C12orf54: variants seen among roughly 807,000 people sequenced by gnomAD.
The protein encoded by C12orf54 is chromosome 12 open reading frame 54.
Under a neutral mutation model 26.4 loss-of-function variants are expected in C12orf54, and 24 were observed. The ratio of observed to expected loss-of-function variants is 0.91; its 90% CI spans 0.66 to 1.28. The LOEUF (loss-of-function observed/expected upper bound fraction) is 1.28. Among genes scored for constraint, C12orf54 ranks in the 50% most tolerant of loss-of-function variants. The pLI is 0.00. For missense variants in C12orf54, 154 were observed against 150.9 expected, an observed-to-expected ratio of 1.02 and a Z score of -0.11; for synonymous variants, 54 against 47.0, an observed-to-expected ratio of 1.15 and a Z score of -0.61.
chr12:48,459,367 A>T, the C12orf54 span, among the ~76,000 whole-genome samples: 1 of 151,696 alleles, frequency 6.6e-6, no homozygotes, highest in African/African-American at 2.4e-5. Context: ...ACGGAAAGTG[A>T]GTGGCGGTGA....
the C12orf54 span, among the ~76,000 whole-genome samples, chr12:48,436,692 G>A: frequency 2.6e-5 from 4 of 152,170 alleles, no homozygotes; most frequent in Admixed American, 6.5e-5. Flanking sequence ...AAATAAAGAT[G>A]TTCTTTGAAA....
intron 4 of C12orf54, 86 bp from the exon 5 acceptor site, chr12:48,488,838 G>A (rs1937718795): frequency 8.5e-7 from 1 of 1,179,374 alleles, no homozygotes; most frequent in Non-Finnish European, 1.3e-6. Context: ...TAGGAGACTA[G>A]GTAACTTAAT....
the C12orf54 span, among the ~76,000 whole-genome samples, chr12:48,415,701 T>G: frequency 6.6e-6 from 1 of 152,210 alleles, no homozygotes; most frequent in Non-Finnish European, 1.5e-5. Context: ...AACGTTTTCC[T>G]TAGATGTTCT....
chr12:48,434,873 C>T, the C12orf54 span, among the ~76,000 whole-genome samples: 11 of 152,152 alleles, frequency 7.2e-5, no homozygotes, highest in South Asian at 4.1e-4. Flanking sequence ...TCCAAAGGAA[C>T]GCAGCTCCTC....
At chr12:48,468,052 T>C in the C12orf54 span, among the ~76,000 whole-genome samples, 174 of 152,290 alleles carry the variant, frequency 1.1e-3, 2 homozygotes, top group Admixed American at 0.011. Context: ...TTTTCAAATA[T>C]AGTTCTTGGT....
At chr12:48,463,864 T>C in the C12orf54 span, among the ~76,000 whole-genome samples, 1 of 152,068 alleles carries the variant, frequency 6.6e-6, no homozygotes, top group East Asian at 1.9e-4. Flanking sequence ...GAAAAGGCTT[T>C]CTTTATAAAA....
At chr12:48,417,167 A>T in the C12orf54 span, 3 of 152,236 alleles carry the variant, frequency 2.0e-5, no homozygotes, top group Admixed American at 6.5e-5. Flanking sequence ...AAAGAAGTGC[A>T]TGGGTATGCA....
At chr12:48,415,227 C>T in the C12orf54 span, among the ~76,000 whole-genome samples, 6 of 149,986 alleles carry the variant, frequency 4.0e-5, no homozygotes, top group Middle Eastern at 7.0e-3. Flanking sequence ...AAACAAAACC[C>T]AAAACAAAAC....
chr12:48,461,186 C>A, the C12orf54 span, among the ~76,000 whole-genome samples: 2 of 151,850 alleles, frequency 1.3e-5, no homozygotes, highest in African/African-American at 4.8e-5. Flanking sequence ...AAGGTCATCT[C>A]ATAATGATAA....
At position 48,486,387 on chromosome 12, in the gene C12orf54, C is replaced by T. The variant is rs12579547; in HGVS notation, c.96+179C>T. 1.2e-3 allele frequency: 776 copies of T among 646,880 alleles called. 6 individuals are homozygous for T. The East Asian group carries it at 0.019, about 16-fold the overall frequency. 40.1% of individuals were successfully genotyped at this position (646,880 alleles called of 1,614,324 possible). ...ACCAAACCAGGTAACGTCTCCAATG[C>T]CACCACTTCACCAGATGACTAAAGG... On this transcript the variant is annotated intron_variant, in intron 3 of 8. Coordinates refer to ENST00000548364, the MANE Select transcript of C12orf54 (RefSeq NM_152319.4).
chr12:48,457,087 A>G, the C12orf54 span, among the ~76,000 whole-genome samples: 20 of 152,018 alleles, frequency 1.3e-4, no homozygotes, highest in African/African-American at 4.6e-4. Flanking sequence ...TGTCTCCCCT[A>G]TTAATATGTG....
chr12:48,479,459 A>G (rs936377652), upstream of C12orf54, among the ~76,000 whole-genome samples: 4 of 152,100 alleles, frequency 2.6e-5, no homozygotes, highest in Non-Finnish European at 5.9e-5. Context: ...ACATGTATAC[A>G]TATGTAACAA....
chr12:48,427,481 G>A, the C12orf54 span, among the ~76,000 whole-genome samples: 2 of 152,078 alleles, frequency 1.3e-5, no homozygotes, highest in Non-Finnish European at 2.9e-5. Context: ...CAGTTTGCTA[G>A]TATTTTGTCA....
the C12orf54 span, among the ~76,000 whole-genome samples, chr12:48,421,638 T>C: frequency 6.8e-6 from 1 of 146,318 alleles, no homozygotes; most frequent in South Asian, 2.3e-4. Flanking sequence ...CAAGCGATTA[T>C]CCTGCCTCAG....
the C12orf54 span, chr12:48,472,814 C>T: frequency 1.2e-6 from 2 of 1,614,056 alleles, no homozygotes; most frequent in Admixed American, 3.3e-5. Context: ...TAAATACAAT[C>T]AACATAGGCC....
upstream of C12orf54, among the ~76,000 whole-genome samples, chr12:48,480,774 C>T (rs187854555): frequency 2.0e-4 from 30 of 152,248 alleles, no homozygotes; most frequent in Admixed American, 1.0e-3. Context: ...TATCGCAGCA[C>T]TATTCACAAT....
At chr12:48,474,690 G>A in the C12orf54 span, among the ~76,000 whole-genome samples, 71 of 152,368 alleles carry the variant, frequency 4.7e-4, no homozygotes, top group South Asian at 1.7e-3. Flanking sequence ...GCAAGGCTGC[G>A]GGAGGGGCGC....
the C12orf54 span, among the ~76,000 whole-genome samples, chr12:48,426,576 G>A: frequency 6.6e-6 from 1 of 151,964 alleles, no homozygotes; most frequent in Non-Finnish European, 1.5e-5. Flanking sequence ...GGCTCATTTT[G>A]GTTCCGTATG....
At chr12:48,453,542 T>C in the C12orf54 span, among the ~76,000 whole-genome samples, 96,172 of 110,866 alleles carry the variant, frequency 0.87, 42,159 homozygotes, top group East Asian at 0.95. Flanking sequence ...TACACATACA[T>C]ATATATACAC....
Sources: gnomAD v4.1 joint callset for allele counts (sites outside exome capture counted in the v4.1 genomes callset) on GRCh38, gnomAD v4.1.1 for gene constraint, MANE v1.5 for transcripts, NCBI Gene and HGNC (gene_info 2026-07-23, HGNC 2026-07-21) for gene names.